Variants in PALLD observed in about 807,000 individuals in gnomAD.
The protein encoded by PALLD is palladin, cytoskeletal associated protein.
A neutral mutation model predicts 123.5 loss-of-function variants in PALLD; 61 were observed. The ratio of observed to expected loss-of-function variants is 0.49; its 90% CI spans 0.40 to 0.61. PALLD has a LOEUF of 0.61. Among genes scored for constraint, PALLD ranks in the 20% least tolerant of loss-of-function variants. The pLI is 0.00. For missense variants in PALLD, 1,273 were observed against 1,377.0 expected (o/e 0.92, Z 1.20); for synonymous variants, 465 against 496.4 (o/e 0.94, Z 0.84).
In PALLD at chr4:168,856,430, G is replaced by T. The variant is rs79601018; in HGVS notation, c.1965-34492G>T. Among the ~76,000 whole-genome samples, 1,192 of 152,244 alleles carry T rather than the reference G, an allele frequency of 7.8e-3. 9 individuals are homozygous for T. The highest frequency in any genetic ancestry group is 0.012 in the Non-Finnish European group (833 of 68,012). On this transcript the variant is annotated intron_variant, in intron 10 of 21. Coordinates refer to ENST00000505667, the MANE Select transcript of PALLD (RefSeq NM_001166108.2). ...TAGAACTTTGAGAAATTTCCAAACT[G>T]CTTTCCACAGTGGCCTAATTTACAT...
At chr4:168,528,027 A>C (rs1037042474) in intron 2 of PALLD, among the ~76,000 whole-genome samples, 2 of 152,188 alleles carry the variant, frequency 1.3e-5, no homozygotes, top group African/African-American at 4.8e-5. Context: ...GTGATCCCTT[A>C]TCCCTGGGTT....
chr4:168,809,146 T>C (rs1412687480), intron 10 of PALLD, among the ~76,000 whole-genome samples: 1 of 152,186 alleles, frequency 6.6e-6, no homozygotes, highest in African/African-American at 2.4e-5. Flanking sequence ...ATGACTAGCC[T>C]CTTCACCTCA....
In PALLD at chr4:168,668,274, A is replaced by T. The variant is rs761874862; in HGVS notation, c.993A>T (p.Ile331=). ...GAGGGGACCTCCATACCCTGATCAT[A>T]GCAGAGGCCTTTGAGGACGACACAG... ...CEGGDLHTLI[I]AEAFEDDTGR... is the part of the protein sequence containing the mutation. Residue 331 remains isoleucine (I), a synonymous_variant, in exon 3 of 22, where the codon ATA becomes ATT. Coordinates refer to ENST00000505667, the MANE Select transcript of PALLD (RefSeq NM_001166108.2). The T allele has an allele frequency of 9.9e-6, 16 of 1,614,090 alleles. No individual in the cohort carries two copies. The highest frequency in any genetic ancestry group is 1.7e-5 in the Admixed American group (1 of 60,016).
chr4:168,789,697 C>T (rs1201109220), intron 10 of PALLD, among the ~76,000 whole-genome samples: 1 of 138,844 alleles, frequency 7.2e-6, no homozygotes, highest in East Asian at 2.0e-4. Context: ...AGCGAGACTC[C>T]GTCTCAAAAA....
At chr4:168,570,091 C>T (rs1376958448) in intron 2 of PALLD, among the ~76,000 whole-genome samples, 3 of 152,098 alleles carry the variant, frequency 2.0e-5, no homozygotes, top group African/African-American at 7.2e-5. Context: ...CAAATTACAG[C>T]CTCCGAATGC....
chr4:168,625,504 T>TTAG (rs1775157539), intron 2 of PALLD, among the ~76,000 whole-genome samples: 1 of 135,924 alleles, frequency 7.4e-6, no homozygotes, highest in Non-Finnish European at 1.6e-5. Context: ...ATCCAGGAGA[T>TTAG]ATATATATAT....
At chr4:168,754,288 T>C (rs1731470595) in intron 10 of PALLD, among the ~76,000 whole-genome samples, 1 of 152,234 alleles carries the variant, frequency 6.6e-6, no homozygotes, top group Admixed American at 6.5e-5. Context: ...TGTTCAAAGT[T>C]TTAGTCATCC....
At chr4:168,677,424 C>T (rs1315129623) in intron 3 of PALLD, among the ~76,000 whole-genome samples, 1 of 152,114 alleles carries the variant, frequency 6.6e-6, no homozygotes, top group African/African-American at 2.4e-5. Flanking sequence ...GGGGCCCCAG[C>T]CTTTTTGGCC....
intron 10 of PALLD, among the ~76,000 whole-genome samples, chr4:168,854,161 G>GTCAT (rs35153183): frequency 1.8e-3 from 275 of 151,370 alleles, no homozygotes; most frequent in African/African-American, 6.3e-3. Flanking sequence ...TACTCATGGA[G>GTCAT]TCATTCATTC....
intron 10 of PALLD, among the ~76,000 whole-genome samples, chr4:168,875,260 G>A (rs1375557431): frequency 6.6e-6 from 1 of 152,034 alleles, no homozygotes; most frequent in African/African-American, 2.4e-5. Context: ...TAACTTCTAA[G>A]TAATTTCCAA....
chr4:168,579,794 A>G (rs1272244688), intron 2 of PALLD, among the ~76,000 whole-genome samples: 1 of 152,058 alleles, frequency 6.6e-6, no homozygotes, highest in Non-Finnish European at 1.5e-5. Context: ...AAAGTATACA[A>G]TGTGATGTTT....
intron 2 of PALLD, among the ~76,000 whole-genome samples, chr4:168,524,322 C>G (rs1223735023): frequency 6.6e-6 from 1 of 152,088 alleles, no homozygotes; most frequent in Non-Finnish European, 1.5e-5. Context: ...ATTCAGTGAA[C>G]TAGAAATTTG....
At chr4:168,804,841 G>A (rs1739908671) in intron 10 of PALLD, among the ~76,000 whole-genome samples, 1 of 152,196 alleles carries the variant, frequency 6.6e-6, no homozygotes, top group Non-Finnish European at 1.5e-5. Context: ...GAAAAGAACT[G>A]GAAGGTGCTT....
At chr4:168,656,531 T>C (rs1258828932) in intron 2 of PALLD, among the ~76,000 whole-genome samples, 1 of 152,210 alleles carries the variant, frequency 6.6e-6, no homozygotes, top group Non-Finnish European at 1.5e-5. Flanking sequence ...TATTCATTAG[T>C]GCCAAAACGA....
intron 10 of PALLD, among the ~76,000 whole-genome samples, chr4:168,719,573 A>T (rs1013291812): frequency 5.3e-5 from 8 of 152,168 alleles, no homozygotes; most frequent in Non-Finnish European, 8.8e-5. Context: ...AGTATTATTT[A>T]AAAAAGTTTT....
At chr4:168,877,118 T>A (rs934955168) in intron 10 of PALLD, among the ~76,000 whole-genome samples, 3 of 152,246 alleles carry the variant, frequency 2.0e-5, no homozygotes, top group African/African-American at 7.2e-5. Context: ...AAGGTTTGTG[T>A]AAGAAATTCG....
chr4:168,591,216 C>T (rs376883585), intron 2 of PALLD, among the ~76,000 whole-genome samples: 1 of 152,060 alleles, frequency 6.6e-6, no homozygotes, highest in African/African-American at 2.4e-5. Context: ...TCTGTAAGAC[C>T]CTCTTAGCTT....
chr4:168,854,064 G>C (rs1463352545), intron 10 of PALLD, among the ~76,000 whole-genome samples: 2 of 152,192 alleles, frequency 1.3e-5, no homozygotes, highest in Non-Finnish European at 2.9e-5. Flanking sequence ...CCATTACATA[G>C]ATGAGAAAAC....
chr4:168,503,115 C>T (rs977658576), intron 1 of PALLD, among the ~76,000 whole-genome samples: 8 of 142,218 alleles, frequency 5.6e-5, no homozygotes, highest in Non-Finnish European at 1.1e-4. Flanking sequence ...ACCCAGTGTG[C>T]TAAGCATTTG....
Sources: allele counts gnomAD v4.1 joint callset (sites outside exome capture counted in the v4.1 genomes callset), GRCh38; gene constraint gnomAD v4.1.1; transcripts MANE v1.5; gene names NCBI Gene and HGNC (gene_info 2026-07-23, HGNC 2026-07-21).